Variants in RIN2 observed in about 807,000 individuals in gnomAD.
The protein encoded by RIN2 is RAB5 interacting protein 2.
A neutral mutation model predicts 78.0 loss-of-function variants in RIN2; 36 were observed. The observed-to-expected ratio is 0.46, with a 90% CI of 0.35 to 0.61. RIN2 has a LOEUF of 0.61. Among genes scored for constraint, RIN2 ranks in the 20% least tolerant of loss-of-function variants. The pLI is 0.00. For synonymous variants in RIN2, 466 were observed against 466.8 expected (o/e 1.00, Z 0.02); for missense variants, 1,087 against 1,159.7 (o/e 0.94, Z 0.91).
At position 19,844,664 on chromosome 20, in the gene RIN2, TTCTTC is replaced by T. The variant is rs1568807613; in HGVS notation, c.-36-44901_-36-44897del. Among the ~76,000 whole-genome samples, 109 of 106,586 alleles carry T rather than the reference TTCTTC, an allele frequency of 1.0e-3. 3 individuals carry two copies. In the Middle Eastern group the frequency reaches 0.025, roughly 25 times the overall value. The allele number at this position is 106,586 out of a possible 152,430, so 69.9% of individuals were successfully genotyped here. On this transcript the variant is annotated intron_variant, in intron 2 of 12. Coordinates refer to ENST00000255006, the MANE Select transcript of RIN2 (RefSeq NM_018993.4). ...CTTCTTCTTCTTCTTCTTCTTCTTC[TTCTTC>T]CTTCTTCTTCTTCTTCCTCTTCCTC...
intron 1 of RIN2, among the ~76,000 whole-genome samples, chr20:19,780,657 A>G (rs62200332): frequency 0.072 from 10,940 of 152,254 alleles, 675 homozygotes; most frequent in African/African-American, 0.17. Flanking sequence ...TGTGGTGAAT[A>G]AAAACACATG....
intron 4 of RIN2, among the ~76,000 whole-genome samples, chr20:19,946,170 G>A (rs867413919): frequency 2.6e-5 from 4 of 152,316 alleles, no homozygotes; most frequent in Middle Eastern, 3.4e-3. Flanking sequence ...ATGGGCTGGG[G>A]ATGAGGCCAG....
chr20:19,890,981 T>A (rs2038434107), intron 3 of RIN2, among the ~76,000 whole-genome samples: 1 of 152,204 alleles, frequency 6.6e-6, no homozygotes, highest in Non-Finnish European at 1.5e-5. Context: ...CCTTGTTTGA[T>A]AAGTGAGCTG....
intron 7 of RIN2, among the ~76,000 whole-genome samples, chr20:19,968,971 CACA>C (rs1232452685): frequency 2.6e-5 from 4 of 152,036 alleles, no homozygotes; most frequent in African/African-American, 9.7e-5. Flanking sequence ...AGGGGGTGCT[CACA>C]ACATTTGAGG....
chr20:19,901,111 C>T (rs1003435594), intron 3 of RIN2, among the ~76,000 whole-genome samples: 4 of 151,996 alleles, frequency 2.6e-5, no homozygotes, highest in African/African-American at 7.3e-5. Flanking sequence ...AATGAGTGAA[C>T]GGCACTATAC....
intron 11 of RIN2, among the ~76,000 whole-genome samples, chr20:19,993,397 C>G (rs539193660): frequency 6.6e-6 from 1 of 151,700 alleles, no homozygotes; most frequent in South Asian, 2.1e-4. Flanking sequence ...ATTTTTACCA[C>G]CCCCAGAATG....
intron 4 of RIN2, among the ~76,000 whole-genome samples, chr20:19,940,511 G>A (rs1292419879): frequency 2.6e-5 from 4 of 152,164 alleles, no homozygotes; most frequent in Non-Finnish European, 5.9e-5. Context: ...TTAATCTTTG[G>A]CCAATAGAGT....
chr20:19,990,824 T>G (rs1025891505), intron 10 of RIN2, among the ~76,000 whole-genome samples: 5 of 152,174 alleles, frequency 3.3e-5, no homozygotes, highest in African/African-American at 1.2e-4. Context: ...CTATAGTATG[T>G]GAAAGAAACT....
At chr20:19,971,181 CATGATTTTTTTTT>C (rs1473050218) in intron 8 of RIN2, among the ~76,000 whole-genome samples, 3 of 130,996 alleles carry the variant, frequency 2.3e-5, no homozygotes, top group African/African-American at 1.0e-4. Flanking sequence ...ATCTCGCGTG[CATGATTTTTTTTT>C]TTTGAGGGGC....
intron 2 of RIN2, among the ~76,000 whole-genome samples, chr20:19,819,185 T>G (rs1027432605): frequency 3.3e-5 from 5 of 152,238 alleles, no homozygotes; most frequent in African/African-American, 1.2e-4. Context: ...CAGAAATGTA[T>G]GTCCTGTCGT....
At chr20:19,820,209 G>A (rs1239835693) in intron 2 of RIN2, among the ~76,000 whole-genome samples, 1 of 152,120 alleles carries the variant, frequency 6.6e-6, no homozygotes, top group African/African-American at 2.4e-5. Flanking sequence ...TATAAAGACT[G>A]GTAAGATCAA....
chr20:19,912,413 C>T (rs890884728), intron 3 of RIN2, among the ~76,000 whole-genome samples: 1 of 152,112 alleles, frequency 6.6e-6, no homozygotes, highest in African/African-American at 2.4e-5. Flanking sequence ...AGGCCTGTTC[C>T]CATCAGGAAA....
chr20:19,823,379 C>T (rs1352458594), intron 2 of RIN2: 4 of 609,272 alleles, frequency 6.6e-6, no homozygotes, highest in Non-Finnish European at 8.5e-6. Flanking sequence ...GTAACATCTG[C>T]TCTGCCTGCT....
intron 2 of RIN2, among the ~76,000 whole-genome samples, chr20:19,806,741 A>T (rs2035420150): frequency 6.6e-6 from 1 of 152,150 alleles, no homozygotes; most frequent in Non-Finnish European, 1.5e-5. Flanking sequence ...TACAAAAGAT[A>T]ACAAAAATTA....
intron 3 of RIN2, among the ~76,000 whole-genome samples, chr20:19,900,345 G>A (rs999437069): frequency 5.9e-5 from 9 of 151,942 alleles, no homozygotes; most frequent in South Asian, 2.1e-4. Context: ...TTAGTCAGGC[G>A]TGGTGGTGCA....
chr20:19,799,259 C>T (rs971099782), intron 1 of RIN2, among the ~76,000 whole-genome samples: 4 of 152,074 alleles, frequency 2.6e-5, no homozygotes, highest in Admixed American at 6.5e-5. Flanking sequence ...TAGAAGATTT[C>T]GGGATCCTTT....
intron 3 of RIN2, among the ~76,000 whole-genome samples, chr20:19,898,115 T>C (rs1600728451): frequency 6.6e-6 from 1 of 152,386 alleles, no homozygotes; most frequent in Middle Eastern, 3.4e-3. Flanking sequence ...CTAGGAATGC[T>C]ATGAGCCTAT....
chr20:19,873,046 A>G (rs1307411922), intron 2 of RIN2, among the ~76,000 whole-genome samples: 2 of 152,150 alleles, frequency 1.3e-5, no homozygotes, highest in African/African-American at 2.4e-5. Flanking sequence ...TGATTTAAAC[A>G]TAGACTCAAA....
intron 2 of RIN2, among the ~76,000 whole-genome samples, chr20:19,878,015 C>T (rs755758552): frequency 6.6e-6 from 1 of 152,062 alleles, no homozygotes; most frequent in Non-Finnish European, 1.5e-5. Flanking sequence ...GTAAGAGTGT[C>T]TCAAAAAAGA....
Sources: allele counts gnomAD v4.1 joint callset (sites outside exome capture counted in the v4.1 genomes callset), GRCh38; gene constraint gnomAD v4.1.1; transcripts MANE v1.5; gene names NCBI Gene and HGNC (gene_info 2026-07-23, HGNC 2026-07-21).